ARHGEF33: variants seen among roughly 807,000 people sequenced by gnomAD.
The protein encoded by ARHGEF33 is Rho guanine nucleotide exchange factor 33.
ARHGEF33 carries 72 observed loss-of-function variants against 101.9 expected under a neutral mutation model. The ratio of observed to expected loss-of-function variants is 0.71; its 90% CI spans 0.58 to 0.86. The LOEUF is 0.86. Among genes scored for constraint, ARHGEF33 ranks in the 40% least tolerant of loss-of-function variants. The pLI, the probability that ARHGEF33 is intolerant of heterozygous loss-of-function variation, is 0.00. For missense variants in ARHGEF33, 1,169 were observed against 1,111.3 expected (o/e 1.05, Z -0.74); for synonymous variants, 499 against 442.5 (o/e 1.13, Z -1.60).
chr2:38,931,298 A>G, intron 7 of ARHGEF33, 47 bp downstream of exon 7: 2 of 1,483,068 alleles, frequency 1.3e-6, no homozygotes, highest in Non-Finnish European at 9.0e-7. Flanking sequence ...TTTTTTCCCA[A>G]TTCCCCCAAT....
intron 2 of ARHGEF33, among the ~76,000 whole-genome samples, chr2:38,917,017 C>G (rs1237100623): frequency 6.6e-6 from 1 of 151,706 alleles, no homozygotes; most frequent in African/African-American, 2.4e-5. Context: ...CCAGGCTGGT[C>G]TGGAACTCCT....
Position 38,966,073 on chromosome 2 carries a change from T to A in ARHGEF33, c.2411T>A (p.Phe804Tyr), listed in dbSNP as rs1487214693. 6.4e-7 allele frequency: 1 copy of A among 1,551,690 alleles called. No individual in the cohort carries two copies. Among genetic ancestry groups the A allele is most frequent in the South Asian group, 1.2e-5 (1 of 84,048 alleles). ...KEERESEQTS[F>Y]SDQNPRQDQK... ...GAAAGAGAAAGTGAACAAACATCTT[T>A]CAGCGATCAAAATCCCAGGCAAGAC... The change falls in exon 17 of 18, where the codon TTC becomes TAC. Residue 804 changes from phenylalanine (F) to tyrosine (Y), a missense_variant. Physicochemically the swap from Phe to Tyr is conservative, Grantham distance 22. Transcript: ENST00000409978.
intron 17 of ARHGEF33, chr2:38,971,879 C>T (rs1251163411): frequency 1.4e-5 from 10 of 718,412 alleles, no homozygotes; most frequent in Admixed American, 2.0e-5. Flanking sequence ...GAAATGGGAA[C>T]GCAACTGGTG....
At chr2:38,922,183 T>C (rs751687958) in intron 4 of ARHGEF33, among the ~76,000 whole-genome samples, 1 of 152,170 alleles carries the variant, frequency 6.6e-6, no homozygotes. Flanking sequence ...AAAAGCAGCT[T>C]GGGCTAGGGA....
At chr2:38,970,395 T>A (rs1668141422) in intron 17 of ARHGEF33, among the ~76,000 whole-genome samples, 1 of 152,222 alleles carries the variant, frequency 6.6e-6, no homozygotes, top group African/African-American at 2.4e-5. Context: ...AAAGAATCCA[T>A]TGATAAGTTT....
At chr2:38,926,852 TA>T (rs1558430534) in intron 4 of ARHGEF33, among the ~76,000 whole-genome samples, 1 of 152,192 alleles carries the variant, frequency 6.6e-6, no homozygotes, top group Admixed American at 6.6e-5. Flanking sequence ...TGAATGTCAC[TA>T]AGAAGAATGT....
At chr2:38,898,336 G>A (rs1420723584) in intron 2 of ARHGEF33, among the ~76,000 whole-genome samples, 1 of 152,092 alleles carries the variant, frequency 6.6e-6, no homozygotes, top group Admixed American at 6.5e-5. Flanking sequence ...ACAAAATTTG[G>A]GCAGCACATT....
chr2:38,891,597 A>T (rs1666000289), intron 1 of ARHGEF33, among the ~76,000 whole-genome samples: 1 of 152,168 alleles, frequency 6.6e-6, no homozygotes, highest in South Asian at 2.1e-4. Context: ...TAAGACCCTT[A>T]GACTTTGATT....
Position 38,937,327 on chromosome 2 carries a change from C to G in ARHGEF33, c.566-8C>G. On this transcript the variant is annotated splice_region_variant and splice_polypyrimidine_tract_variant and intron_variant, in intron 8 of 17. Coordinates refer to ENST00000409978, the MANE Select transcript of ARHGEF33 (RefSeq NM_001145451.5). The stretch of plus-strand genomic sequence containing the variant: ...TTTGTTTCCCCGCCCCTCCCCCCAC[C>G]CCACCAGGAGTGAACCCAACAACTC... The G allele has an allele frequency of 2.3e-6, 1 of 443,310 alleles. No individual in the cohort carries two copies. Among genetic ancestry groups the G allele is most frequent in the Non-Finnish European group, 4.0e-6 (1 of 252,032 alleles). The allele number at this position is 443,310 out of a possible 1,614,324, so 27.5% of individuals were successfully genotyped here.
In ARHGEF33 at chr2:38,931,204, C is replaced by T. The variant is rs1261818141; in HGVS notation, c.458C>T (p.Pro153Leu). Residue 153 changes from proline to leucine, a missense_variant, in exon 7 of 18, where the codon CCA becomes CTA. Coordinates refer to ENST00000409978, the MANE Select transcript of ARHGEF33 (RefSeq NM_001145451.5). ...RSINIPEPVL[P>L]SEDFTNLLPS... ...ATCAATATCCCTGAGCCTGTTCTTC[C>T]AAGCGAAGACTTTACCAACCTTTTG... 3 of 1,551,266 alleles carry T rather than the reference C, an allele frequency of 1.9e-6. No homozygotes were observed. The highest frequency in any genetic ancestry group is 4.9e-5 in the East Asian group (2 of 40,916).
At chr2:38,900,324 G>A (rs1558422503) in intron 2 of ARHGEF33, among the ~76,000 whole-genome samples, 1 of 152,168 alleles carries the variant, frequency 6.6e-6, no homozygotes, top group Non-Finnish European at 1.5e-5. Context: ...ATAGGGGCAA[G>A]CTTCATAGAG....
At position 38,937,577 on chromosome 2, in the gene ARHGEF33, A is replaced by C. The variant is rs753006512; in HGVS notation, c.790+18A>C. Reference sequence around the variant, plus strand: ...CTTAGCTGGTAAGTTCCAAGGGGGAATGCAGGCTAATAGTTTAAAGAACAG... The same window carrying C: ...CTTAGCTGGTAAGTTCCAAGGGGGACTGCAGGCTAATAGTTTAAAGAACAG... On this transcript the variant is annotated intron_variant, in intron 9 of 17. Coordinates refer to ENST00000409978, the MANE Select transcript of ARHGEF33 (RefSeq NM_001145451.5). 3.0e-6 allele frequency: 4 copies of C among 1,328,254 alleles called. No homozygotes were observed. In the South Asian group the frequency reaches 5.1e-5, roughly 17 times the overall value. The allele number at this position is 1,328,254 out of a possible 1,614,324, so 82.3% of individuals were successfully genotyped here. A position where few individuals can be genotyped will look rare whatever the true frequency, so the allele number is the denominator to read the frequency against.
chr2:38,944,472 T>G (rs530886920), intron 10 of ARHGEF33, among the ~76,000 whole-genome samples: 5 of 152,094 alleles, frequency 3.3e-5, no homozygotes, highest in Non-Finnish European at 7.4e-5. Flanking sequence ...ACACCCACCA[T>G]AGGCTCCACC....
In ARHGEF33 at chr2:38,960,083, G is replaced by A; in HGVS notation, c.1778G>A (p.Arg593His). Reference protein sequence around the residue: ...SPAEPLGNVERSLRAPAELLP... With the variant: ...SPAEPLGNVEHSLRAPAELLP... ...GCGGAGCCGCTGGGCAACGTGGAGC[G>A]CTCCCTGCGCGCCCCGGCCGAGCTC... Residue 593 changes from arginine to histidine, a missense_variant, in exon 16 of 18, where the codon CGC (arginine) becomes CAC (histidine). Transcript: ENST00000409978. 4 of 1,541,562 alleles carry A rather than the reference G, an allele frequency of 2.6e-6. No individual in the cohort carries two copies. Among genetic ancestry groups the A allele is most frequent in the Non-Finnish European group, 3.5e-6 (4 of 1,144,008 alleles).
At chr2:38,953,333 A>C (rs910296010) in intron 12 of ARHGEF33, 88 bp downstream of exon 12, 2 of 790,034 alleles carry the variant, frequency 2.5e-6, no homozygotes, top group Admixed American at 4.1e-5. Flanking sequence ...CAGCGCATGC[A>C]CTGTGCTTTC....
At chr2:38,898,819 A>C (rs1666177942) in intron 2 of ARHGEF33, among the ~76,000 whole-genome samples, 1 of 152,210 alleles carries the variant, frequency 6.6e-6, no homozygotes, top group African/African-American at 2.4e-5. Context: ...TGGAAGAGTA[A>C]ACTGTGCATG....
At position 38,960,636 on chromosome 2, in the gene ARHGEF33, G is replaced by T; in HGVS notation, c.2331G>T (p.Leu777Phe). ...CCCAAAGCGAAAAACAGACCTATTT[G>T]GAAGTAAGGAGGGTAAAGTAAAACC... ...QRSQSEKQTY[L>F]EVRREMHLED... is the part of the protein sequence containing the mutation. Residue 777 changes from leucine (L) to phenylalanine (F), a missense_variant, in exon 16 of 18, where the codon TTG (leucine) becomes TTT (phenylalanine). By Grantham distance (22) the Leu-to-Phe change is conservative. Transcript: ENST00000409978. 1 of 1,422,024 alleles carries T rather than the reference G, an allele frequency of 7.0e-7. No homozygotes were observed. The highest frequency in any genetic ancestry group is 9.3e-7 in the Non-Finnish European group (1 of 1,073,350). 88.1% of individuals were successfully genotyped at this position (1,422,024 alleles called of 1,614,324 possible).
chr2:38,893,219 G>C (rs1666045992), intron 1 of ARHGEF33, among the ~76,000 whole-genome samples: 1 of 150,218 alleles, frequency 6.7e-6, no homozygotes, highest in South Asian at 2.1e-4. Context: ...GTGGAGTGCA[G>C]TGGCACAGTC....
At chr2:38,931,439 A>T in intron 7 of ARHGEF33, 188 bp downstream of exon 7, 2 of 451,950 alleles carry the variant, frequency 4.4e-6, no homozygotes, top group Non-Finnish European at 7.6e-6. Flanking sequence ...AGTTTTAAAT[A>T]TTTTTTTTTT....
Sources: allele counts gnomAD v4.1 joint callset (sites outside exome capture counted in the v4.1 genomes callset), GRCh38; gene constraint gnomAD v4.1.1; transcripts MANE v1.5; gene names NCBI Gene and HGNC (gene_info 2026-07-23, HGNC 2026-07-21).